DNM2: variants seen among roughly 807,000 people sequenced by gnomAD.
DNM2 encodes dynamin-2.
In DNM2, 15 loss-of-function variants were observed where a neutral mutation model predicts 99.0. That is an observed-to-expected ratio of 0.15 (90% CI 0.10 to 0.23). The LOEUF (loss-of-function observed/expected upper bound fraction) is 0.23, where lower values mean the gene tolerates loss of function less well. Ranked by LOEUF, DNM2 falls within the 10% of genes least tolerant of loss-of-function variation. The pLI is 1.00. For missense variants in DNM2, 742 were observed against 1,189.4 expected (o/e 0.62, Z 5.53); for synonymous variants, 525 against 481.2 (o/e 1.09, Z -1.19).
At chr19:10,757,538 G>C (rs2070434457) in intron 1 of DNM2, among the ~76,000 whole-genome samples, 2 of 152,150 alleles carry the variant, frequency 1.3e-5, no homozygotes, top group South Asian at 4.1e-4. Context: ...ACTCACTCAG[G>C]GACCCAGGAT....
In DNM2 at chr19:10,729,518, G is replaced by T. The variant is rs549252832; in HGVS notation, c.161+11115G>T. 8.5e-5 allele frequency among the ~76,000 whole-genome samples: 13 copies of T among 152,216 alleles called. No individual in the cohort carries two copies. In the South Asian group the frequency reaches 2.7e-3, roughly 32 times the overall value. On this transcript the variant is annotated intron_variant, in intron 1 of 20. Coordinates refer to ENST00000389253, the MANE Select transcript of DNM2 (RefSeq NM_001005361.3). ...CGCCAGGACTTGGGGGAACAGCATC[G>T]CAGGCCAGGGAAACAGCAGGTGCAG...
At chr19:10,802,922 C>A (rs2146065210) in intron 12 of DNM2, among the ~76,000 whole-genome samples, 1 of 152,346 alleles carries the variant, frequency 6.6e-6, no homozygotes. Context: ...CCCGCTGATT[C>A]CTTCAGCCCC....
intron 13 of DNM2, among the ~76,000 whole-genome samples, chr19:10,807,466 T>C (rs2146087015): frequency 6.7e-6 from 1 of 148,354 alleles, no homozygotes; most frequent in Non-Finnish European, 1.5e-5. Context: ...GGTCTCAAAC[T>C]CCTGACCTGG....
chr19:10,762,629 C>A (rs1204101753), intron 2 of DNM2, among the ~76,000 whole-genome samples: 1 of 152,204 alleles, frequency 6.6e-6, no homozygotes, highest in Non-Finnish European at 1.5e-5. Flanking sequence ...CAGTACCTGA[C>A]CCGGATGAAC....
At chr19:10,791,860 C>T (rs1045307087) in intron 7 of DNM2, among the ~76,000 whole-genome samples, 1 of 152,084 alleles carries the variant, frequency 6.6e-6, no homozygotes, top group Middle Eastern at 3.2e-3. Context: ...CCAAGGCGGG[C>T]GGATCACTTG....
At chr19:10,776,965 G>A (rs997355175) in intron 4 of DNM2, among the ~76,000 whole-genome samples, 153 bp from the exon 5 acceptor site, 1 of 152,154 alleles carries the variant, frequency 6.6e-6, no homozygotes, top group African/African-American at 2.4e-5. Flanking sequence ...TCGACATGTC[G>A]GAAACTGGGG....
In DNM2 at chr19:10,816,256, G is replaced by A. The variant is rs1034771724; in HGVS notation, c.1672-3724G>A. On this transcript the variant is annotated intron_variant, in intron 15 of 20. Coordinates refer to ENST00000389253, the MANE Select transcript of DNM2 (RefSeq NM_001005361.3). This position sits in a 1 kb window ranked among gnomAD's most constrained non-coding sequence, Gnocchi z 4.6. Reference sequence around the variant, plus strand: ...TGTCCCCTTGACTGAGGACATTGGGGGTGAAAGGATCATCCCGCTCCACAT... The same window carrying A: ...TGTCCCCTTGACTGAGGACATTGGGAGTGAAAGGATCATCCCGCTCCACAT... Among the ~76,000 whole-genome samples the A allele has an allele frequency of 6.6e-6, 1 of 152,048 alleles. No individual in the cohort carries two copies. Among genetic ancestry groups the A allele is most frequent in the Non-Finnish European group, 1.5e-5 (1 of 68,000 alleles).
At position 10,831,571 on chromosome 19, in the gene DNM2, C is replaced by G. The variant is rs2073348520; in HGVS notation, c.*524C>G. ...TGAGGTGTACATAGTCCTTCCCGGC[C>G]ATATTAACCACACAGCCTGAGCCTG... On this transcript the variant is annotated 3_prime_UTR_variant, in exon 21 of 21. Transcript: ENST00000389253. This position sits in a 1 kb window ranked among gnomAD's most constrained non-coding sequence, Gnocchi z 4.3. 3.0e-6 allele frequency: 3 copies of G among 985,946 alleles called. No individual in the cohort carries two copies. The South Asian group carries it at 1.4e-4, about 46-fold the overall frequency. 61.1% of individuals were successfully genotyped at this position (985,946 alleles called of 1,614,324 possible).
At chr19:10,822,391 G>A (rs938334715) in intron 16 of DNM2, among the ~76,000 whole-genome samples, 3 of 151,088 alleles carry the variant, frequency 2.0e-5, no homozygotes, top group African/African-American at 4.9e-5. Context: ...GGGTGTTGCT[G>A]TGTTGCTCAG....
At chr19:10,751,394 G>A (rs756325307) in intron 1 of DNM2, among the ~76,000 whole-genome samples, 3 of 152,114 alleles carry the variant, frequency 2.0e-5, no homozygotes, top group Non-Finnish European at 2.9e-5. Flanking sequence ...CTCAGAATGC[G>A]GATGGGATCA....
chr19:10,821,972 C>T (rs1038241694), intron 16 of DNM2, among the ~76,000 whole-genome samples: 4 of 152,284 alleles, frequency 2.6e-5, no homozygotes, highest in East Asian at 3.9e-4. Flanking sequence ...AGAGGTCGTT[C>T]GGGGCAGCCA....
intron 1 of DNM2, among the ~76,000 whole-genome samples, chr19:10,729,182 A>T (rs1004007751): frequency 2.4e-5 from 3 of 124,550 alleles, no homozygotes; most frequent in African/African-American, 9.5e-5. Flanking sequence ...AAAAAAAAAA[A>T]AAAAAAAATA....
chr19:10,806,869 A>G (rs575126301), intron 13 of DNM2, among the ~76,000 whole-genome samples: 1 of 152,174 alleles, frequency 6.6e-6, no homozygotes, highest in South Asian at 2.1e-4. Flanking sequence ...GAGCTTTCCA[A>G]CACAGCCCCA....
At chr19:10,750,376 G>A (rs962538553) in intron 1 of DNM2, among the ~76,000 whole-genome samples, 6 of 152,118 alleles carry the variant, frequency 3.9e-5, no homozygotes, top group Admixed American at 3.9e-4. Context: ...TTACTTGGGA[G>A]GCTGAGGTGG....
At chr19:10,798,382 T>TTAAAA in intron 10 of DNM2, 104 bp from the exon 11 acceptor site, 1 of 796,270 alleles carries the variant, frequency 1.3e-6, no homozygotes, top group Admixed American at 2.0e-5. Context: ...GGCCCCCTCA[T>TTAAAA]ATCTCATTCC....
chr19:10,730,800 G>C (rs2069286214), intron 1 of DNM2, among the ~76,000 whole-genome samples: 1 of 152,194 alleles, frequency 6.6e-6, no homozygotes, highest in African/African-American at 2.4e-5. Flanking sequence ...GCAACCTGCG[G>C]GGTGCCCCCT....
chr19:10,825,252 T>G, intron 18 of DNM2, 31 bp downstream of exon 18: 2 of 1,612,220 alleles, frequency 1.2e-6, no homozygotes, highest in Non-Finnish European at 1.7e-6. Flanking sequence ...GAGAAGGAGG[T>G]AGCTGGGTGC....
chr19:10,721,916 A>G (rs866102982), intron 1 of DNM2, among the ~76,000 whole-genome samples: 1 of 152,102 alleles, frequency 6.6e-6, no homozygotes, highest in Non-Finnish European at 1.5e-5. Context: ...ACTCAGATCT[A>G]TAGAGTTCTG....
At chr19:10,791,450 CTT>C (rs2071749485) in intron 7 of DNM2, among the ~76,000 whole-genome samples, 2 of 152,194 alleles carry the variant, frequency 1.3e-5, no homozygotes, top group Admixed American at 1.3e-4. Flanking sequence ...GTGATATTCT[CTT>C]GACTGATTAC....
Sources: allele counts gnomAD v4.1 joint callset (sites outside exome capture counted in the v4.1 genomes callset), GRCh38; gene constraint gnomAD v4.1.1; non-coding constraint Gnocchi (gnomAD v3.1); transcripts MANE v1.5; gene names NCBI Gene and HGNC (gene_info 2026-07-23, HGNC 2026-07-21).